The following IGLL5 variants were observed in gnomAD, a reference collection of about 807,000 sequenced individuals.
IGLL5 encodes immunoglobulin lambda-like polypeptide 5.
A neutral mutation model predicts 20.9 loss-of-function variants in IGLL5; 30 were observed. That is an observed-to-expected ratio of 1.44 (90% CI 1.07 to 1.95). IGLL5 has a LOEUF of 1.95. IGLL5 is among the 30% of genes most tolerant of loss of function. The probability of loss-of-function intolerance (pLI) is 0.00; values close to 1 mark genes in which losing one functional copy is unlikely to be tolerated. For missense variants in IGLL5, 475 were observed against 270.7 expected, an observed-to-expected ratio of 1.75 and a Z score of -5.30; for synonymous variants, 203 against 117.3, an observed-to-expected ratio of 1.73 and a Z score of -4.72.
rs748148652 is a variant in IGLL5, at chr22:22,887,994, C to T, written c.-60C>T. 13 of 1,367,326 alleles carry T rather than the reference C, an allele frequency of 9.5e-6. No individual in the cohort carries two copies. The highest frequency in any genetic ancestry group is 5.0e-5 in the East Asian group (2 of 39,802). 84.7% of individuals were successfully genotyped at this position (1,367,326 alleles called of 1,614,324 possible). On this transcript the variant is annotated 5_prime_UTR_variant, in exon 1 of 3. Transcript: ENST00000526893. ...CTGCTGGCGAGAGGGACCAGGGCACCGTCCTCCAGGGAGCCCATGCTGCAA... is the reference window on the plus strand; with the variant it reads ...CTGCTGGCGAGAGGGACCAGGGCACTGTCCTCCAGGGAGCCCATGCTGCAA...
rs1601604935 is a variant in IGLL5, at chr22:22,888,914, A to G, written c.206+655A>G. ...AGGCTGGTCTCACAGATCGAGGGGC[A>G]CTGGCTGGTGATGGGTGCCCCCAAA... On this transcript the variant is annotated intron_variant, in intron 1 of 2. Transcript: ENST00000526893. 2.0e-5 allele frequency among the ~76,000 whole-genome samples: 3 copies of G among 151,262 alleles called. 1 individual carries two copies. The highest frequency in any genetic ancestry group is 2.1e-4 in the South Asian group (1 of 4,734).
At chr22:22,889,386 A>C in intron 1 of IGLL5, among the ~76,000 whole-genome samples, 1 of 151,174 alleles carries the variant, frequency 6.6e-6, no homozygotes, top group Admixed American at 6.6e-5. Context: ...CGGCGAGTCA[A>C]AAAACAAAGT....
chr22:22,895,870 G>A lies in IGLL5; in HGVS notation c.*176G>A. ...TCTCATTTTTTTTCTCACATAAATTGCTAGCCTCCCCGGGGTTCTCAGTGT... is the reference window on the plus strand; with the variant it reads ...TCTCATTTTTTTTCTCACATAAATTACTAGCCTCCCCGGGGTTCTCAGTGT... On this transcript the variant is annotated 3_prime_UTR_variant, in exon 3 of 3. Coordinates refer to ENST00000526893, the MANE Select transcript of IGLL5 (RefSeq NM_001178126.2). 1 of 700,722 alleles carries A rather than the reference G, an allele frequency of 1.4e-6. No individual in the cohort carries two copies. Among genetic ancestry groups the A allele is most frequent in the South Asian group, 1.8e-5 (1 of 54,720 alleles). The allele number at this position is 700,722 out of a possible 1,614,324, so 43.4% of individuals were successfully genotyped here. A position where few individuals can be genotyped will look rare whatever the true frequency, so the allele number is the denominator to read the frequency against.
chr22:22,888,729 GTCTGT>G, intron 1 of IGLL5, among the ~76,000 whole-genome samples: 1 of 151,282 alleles, frequency 6.6e-6, no homozygotes, highest in East Asian at 2.0e-4. Context: ...CCCCAAGGCT[GTCTGT>G]TCACCAACTT....
At chr22:22,889,118 A>G (rs149028007) in intron 1 of IGLL5, among the ~76,000 whole-genome samples, 1 of 151,256 alleles carries the variant, frequency 6.6e-6, no homozygotes, top group South Asian at 2.1e-4. Context: ...TGGAAAAATC[A>G]GCACCGGATT....
intron 1 of IGLL5, among the ~76,000 whole-genome samples, chr22:22,890,404 T>G (rs940493519): frequency 6.0e-5 from 9 of 150,202 alleles, no homozygotes; most frequent in Admixed American, 2.0e-4. Context: ...ATTACCAACT[T>G]TTAATCTATT....
chr22:22,894,095 G>C (rs2067981063), intron 2 of IGLL5, among the ~76,000 whole-genome samples: 2 of 151,500 alleles, frequency 1.3e-5, no homozygotes, highest in East Asian at 2.0e-4. Flanking sequence ...ATGTCTGAGT[G>C]AGGGACAGAG....
In IGLL5 at chr22:22,895,513, G is replaced by A. The variant is rs752092380; in HGVS notation, c.464G>A (p.Ser155Asn). The change falls in exon 3 of 3, where the codon AGC becomes AAC. Residue 155 changes from serine to asparagine, a missense_variant. Ser to Asn is a conservative substitution (Grantham distance 46, BLOSUM62 1). Coordinates refer to ENST00000526893, the MANE Select transcript of IGLL5 (RefSeq NM_001178126.2). ...ACAGTGGCCTGGAAGGCAGATGGCA[G>A]CCCCGTCAAGGCGGGAGTGGAGACC... ...AVTVAWKADG[S>N]PVKAGVETTK... 6.2e-7 allele frequency: 1 copy of A among 1,612,722 alleles called. No homozygotes were observed. Among genetic ancestry groups the A allele is most frequent in the African/African-American group, 1.3e-5 (1 of 74,864 alleles).
intron 1 of IGLL5, among the ~76,000 whole-genome samples, chr22:22,893,061 C>G (rs1387216947): frequency 6.6e-6 from 1 of 151,140 alleles, no homozygotes; most frequent in Non-Finnish European, 1.5e-5. Flanking sequence ...CATGTCCCAG[C>G]ATAAAAACAG....
At chr22:22,894,720 A>C (rs925053831) in intron 2 of IGLL5, among the ~76,000 whole-genome samples, 1 of 151,300 alleles carries the variant, frequency 6.6e-6, no homozygotes. Context: ...GAGCAGCCCC[A>C]GGAACAGCTG....
chr22:22,896,065 C>G lies in IGLL5; in HGVS notation c.*371C>G, dbSNP rs1191944201. 5.4e-5 allele frequency: 22 copies of G among 411,138 alleles called. No homozygotes were observed. In the East Asian group the frequency reaches 1.0e-3, roughly 19 times the overall value. The allele number at this position is 411,138 out of a possible 1,614,324, so 25.5% of individuals were successfully genotyped here. A position where few individuals can be genotyped will look rare whatever the true frequency, so the allele number is the denominator to read the frequency against. ...GCATCAGTTCAGACCAGTCCCACACCCTCCTAAATTTTACTTCTCAATAAA... is the reference window on the plus strand; with the variant it reads ...GCATCAGTTCAGACCAGTCCCACACGCTCCTAAATTTTACTTCTCAATAAA... On this transcript the variant is annotated 3_prime_UTR_variant, in exon 3 of 3. Coordinates refer to ENST00000526893, the MANE Select transcript of IGLL5 (RefSeq NM_001178126.2).
At chr22:22,890,034 T>A (rs1601610730) in intron 1 of IGLL5, among the ~76,000 whole-genome samples, 1 of 151,140 alleles carries the variant, frequency 6.6e-6, no homozygotes, top group Admixed American at 6.6e-5. Context: ...TTTGTGAAGT[T>A]GTTCACAAAA....
At chr22:22,894,879 A>T (rs1318060436) in intron 2 of IGLL5, among the ~76,000 whole-genome samples, 2 of 151,436 alleles carry the variant, frequency 1.3e-5, no homozygotes, top group South Asian at 2.1e-4. Context: ...TGTGAGGGAT[A>T]GGAAGCTCCA....
At chr22:22,892,487 GCTAGGATGT>G (rs2146020458) in intron 1 of IGLL5, among the ~76,000 whole-genome samples, 1 of 151,072 alleles carries the variant, frequency 6.6e-6, no homozygotes, top group East Asian at 2.0e-4. Context: ...CTTGTGTCAT[GCTAGGATGT>G]CTAGGACAGA....
intron 1 of IGLL5, among the ~76,000 whole-genome samples, chr22:22,889,798 T>A: frequency 6.6e-6 from 1 of 151,402 alleles, no homozygotes; most frequent in East Asian, 2.0e-4. Flanking sequence ...AGCCTCGCTA[T>A]ATTGCTCAGG....
At chr22:22,890,312 A>AACAC (rs372346670) in intron 1 of IGLL5, among the ~76,000 whole-genome samples, 3,375 of 123,686 alleles carry the variant, frequency 0.027, 79 homozygotes, top group African/African-American at 0.059. Flanking sequence ...TGTCCCTGAA[A>AACAC]ACACACACAC....
At position 22,895,576 on chromosome 22, in the gene IGLL5, C is replaced by T. The variant is rs1414864485; in HGVS notation, c.527C>T (p.Ala176Val). ...AAACAGAGCAACAACAAGTACGCGG[C>T]CAGCAGCTACCTGAGCCTGACGCCC... ...PSKQSNNKYA[A>V]SSYLSLTPEQ... The change falls in exon 3 of 3, where the codon GCC becomes GTC. Residue 176 changes from alanine (A) to valine (V), a missense_variant. Transcript: ENST00000526893. 6.2e-7 allele frequency: 1 copy of T among 1,613,138 alleles called. No homozygotes were observed. Among genetic ancestry groups the T allele is most frequent in the Admixed American group, 1.7e-5 (1 of 59,888 alleles).
At chr22:22,891,118 T>G (rs1224459850) in intron 1 of IGLL5, among the ~76,000 whole-genome samples, 1 of 151,230 alleles carries the variant, frequency 6.6e-6, no homozygotes, top group African/African-American at 2.4e-5. Flanking sequence ...TGGTTTAATC[T>G]TTTCTTTATG....
intron 2 of IGLL5, among the ~76,000 whole-genome samples, chr22:22,894,936 T>C (rs2066709405): frequency 2.0e-5 from 3 of 151,222 alleles, no homozygotes; most frequent in South Asian, 2.1e-4. Context: ...GCCAGGACAG[T>C]CCTACAGGAT....
Sources: allele counts gnomAD v4.1 joint callset (sites outside exome capture counted in the v4.1 genomes callset), GRCh38; gene constraint gnomAD v4.1.1; transcripts MANE v1.5; gene names NCBI Gene and HGNC (gene_info 2026-07-23, HGNC 2026-07-21).